Variants in NEDD4 observed in about 807,000 individuals in gnomAD.
NEDD4 encodes E3 ubiquitin-protein ligase NEDD4.
Under a neutral mutation model 144.9 loss-of-function variants are expected in NEDD4, and 99 were observed. The ratio of observed to expected loss-of-function variants is 0.68; its 90% CI spans 0.58 to 0.81. The LOEUF is 0.81. Among genes scored for constraint, NEDD4 ranks in the 30% least tolerant of loss-of-function variants. The probability of loss-of-function intolerance (pLI) is 0.00; values close to 1 mark genes in which losing one functional copy is unlikely to be tolerated. For synonymous variants in NEDD4, 318 were observed against 350.6 expected, an observed-to-expected ratio of 0.91 and a Z score of 1.04; for missense variants, 985 against 1,065.9, an observed-to-expected ratio of 0.92 and a Z score of 1.06.
intron 2 of NEDD4, among the ~76,000 whole-genome samples, chr15:55,964,625 G>C (rs1358774754): frequency 6.7e-6 from 1 of 150,048 alleles, no homozygotes; most frequent in African/African-American, 2.5e-5. Context: ...TAAATGTTAA[G>C]TTTTGGAGAC....
intron 5 of NEDD4, among the ~76,000 whole-genome samples, chr15:55,902,577 A>T (rs1367422537): frequency 1.3e-5 from 2 of 152,234 alleles, no homozygotes; most frequent in African/African-American, 2.4e-5. Context: ...GATGAGGCAT[A>T]CATAGGGGTT....
chr15:55,965,934 G>A (rs1360263968), intron 2 of NEDD4, among the ~76,000 whole-genome samples: 9 of 152,286 alleles, frequency 5.9e-5, no homozygotes, highest in African/African-American at 1.9e-4. Flanking sequence ...TTACAGGCAT[G>A]AGCCACCATG....
chr15:55,859,535 A>C (rs1214299407), intron 11 of NEDD4, among the ~76,000 whole-genome samples: 1 of 152,146 alleles, frequency 6.6e-6, no homozygotes, highest in Non-Finnish European at 1.5e-5. Context: ...CATCTCTACT[A>C]AAAATACAAA....
chr15:55,872,356 T>G, intron 7 of NEDD4, 59 bp downstream of exon 7: 1 of 672,714 alleles, frequency 1.5e-6, no homozygotes, highest in Non-Finnish European at 2.4e-6. Flanking sequence ...AAGGCTACTG[T>G]AAGGTGTAAT....
chr15:55,850,488 C>T, intron 14 of NEDD4, 54 bp downstream of exon 14: 2 of 1,538,976 alleles, frequency 1.3e-6, no homozygotes, highest in Non-Finnish European at 1.8e-6. Flanking sequence ...AGGAACTATA[C>T]ATAAGAGATG....
intron 1 of NEDD4, among the ~76,000 whole-genome samples, chr15:55,986,896 A>G (rs974401011): frequency 3.3e-5 from 5 of 152,114 alleles, no homozygotes; most frequent in Non-Finnish European, 7.4e-5. Flanking sequence ...CGCCCGGCCA[A>G]GGCCTGTCCT....
chr15:55,880,039 A>G (rs1384899409), intron 5 of NEDD4, among the ~76,000 whole-genome samples: 1 of 152,168 alleles, frequency 6.6e-6, no homozygotes, highest in Non-Finnish European at 1.5e-5. Context: ...CCTGTAATCA[A>G]TCCCAGCACT....
Position 55,840,133 on chromosome 15 carries a change from T to C in NEDD4, c.2031+314A>G, listed in dbSNP as rs138393120. Among the ~76,000 whole-genome samples, 414 of 149,404 alleles carry C rather than the reference T, an allele frequency of 2.8e-3. 3 individuals are homozygous for C. The highest frequency in any genetic ancestry group is 9.6e-3 in the African/African-American group (391 of 40,522). On this transcript the variant is annotated intron_variant, in intron 21 of 28. Coordinates refer to ENST00000435532, the MANE Select transcript of NEDD4 (RefSeq NM_006154.4). ...TTGAAGTATTTAGTGGGATGTTTAA[T>C]GTTATCTATAACTTACTCTGAAATG...
At chr15:55,981,640 T>C (rs2037805975) in intron 1 of NEDD4, among the ~76,000 whole-genome samples, 1 of 152,154 alleles carries the variant, frequency 6.6e-6, no homozygotes, top group Non-Finnish European at 1.5e-5. Context: ...AAAGAAGAAA[T>C]ATCCAGAATC....
At chr15:55,878,308 T>A (rs2035064914) in intron 5 of NEDD4, among the ~76,000 whole-genome samples, 1 of 152,050 alleles carries the variant, frequency 6.6e-6, no homozygotes, top group Admixed American at 6.6e-5. Context: ...TATAAGTCAA[T>A]AATATGAATC....
intron 18 of NEDD4, among the ~76,000 whole-genome samples, chr15:55,843,946 T>C (rs2033629612): frequency 6.6e-6 from 1 of 152,114 alleles, no homozygotes; most frequent in Non-Finnish European, 1.5e-5. Context: ...CTGGCGTATA[T>C]GTGAAAAACA....
At chr15:55,833,998 T>A in intron 26 of NEDD4, 40 bp downstream of exon 26, 1 of 1,395,908 alleles carries the variant, frequency 7.2e-7, no homozygotes, top group Non-Finnish European at 1.0e-6. Context: ...TGATTCAATC[T>A]ATCAAAAAGT....
At chr15:55,888,192 A>AT (rs1280064863) in intron 5 of NEDD4, among the ~76,000 whole-genome samples, 1 of 152,198 alleles carries the variant, frequency 6.6e-6, no homozygotes, top group East Asian at 1.9e-4. Context: ...AAGAAGTCAC[A>AT]TTATCCTTGT....
At chr15:55,833,231 G>T in intron 26 of NEDD4, 127 bp from the exon 27 acceptor site, 1 of 609,078 alleles carries the variant, frequency 1.6e-6, no homozygotes, top group Non-Finnish European at 2.8e-6. Context: ...GTTTCTTTCA[G>T]TTAAATTTTT....
intron 1 of NEDD4, among the ~76,000 whole-genome samples, chr15:55,983,315 C>T (rs577228504): frequency 2.6e-5 from 4 of 152,232 alleles, no homozygotes; most frequent in African/African-American, 7.2e-5. Context: ...CGCGCGCGTG[C>T]GTGCATTTGA....
rs150763469 is a variant in NEDD4 at position 55,836,700 on chromosome 15, G to C, written c.2262+1089C>G. 5.9e-5 allele frequency among the ~76,000 whole-genome samples: 9 copies of C among 152,096 alleles called. No individual in the cohort carries two copies. In the South Asian group the frequency reaches 1.5e-3, roughly 25 times the overall value. ...GCCACCACGTCCGGCTAATTTTTTT[G>C]TATTTTTAGTAGAGACAGGGTTTCA... On this transcript the variant is annotated intron_variant, in intron 24 of 28. Transcript: ENST00000435532.
intron 2 of NEDD4, among the ~76,000 whole-genome samples, chr15:55,956,421 T>A (rs2037338901): frequency 2.0e-5 from 3 of 152,188 alleles, no homozygotes; most frequent in South Asian, 2.1e-4. Context: ...TGTGTTCCTA[T>A]AGAAGTTTTA....
intron 5 of NEDD4, among the ~76,000 whole-genome samples, chr15:55,909,165 T>C (rs1267644403): frequency 1.3e-5 from 2 of 152,170 alleles, no homozygotes; most frequent in African/African-American, 2.4e-5. Context: ...AGAAATGCCA[T>C]GAATTTACTT....
intron 4 of NEDD4, among the ~76,000 whole-genome samples, chr15:55,947,222 A>G (rs1361257965): frequency 6.6e-6 from 1 of 152,120 alleles, no homozygotes; most frequent in Non-Finnish European, 1.5e-5. Flanking sequence ...TCCAGGAGGT[A>G]GTTTTTTGAA....
Sources: gnomAD v4.1 joint callset for allele counts (sites outside exome capture counted in the v4.1 genomes callset) on GRCh38, gnomAD v4.1.1 for gene constraint, MANE v1.5 for transcripts, NCBI Gene and HGNC (gene_info 2026-07-23, HGNC 2026-07-21) for gene names.